GNPAT: variants seen among roughly 807,000 people sequenced by gnomAD.
GNPAT encodes the protein dihydroxyacetone phosphate acyltransferase.
Under a neutral mutation model 78.4 loss-of-function variants are expected in GNPAT, and 30 were observed. That is an observed-to-expected ratio of 0.38 (90% CI 0.29 to 0.52). The LOEUF (loss-of-function observed/expected upper bound fraction) is 0.52, where lower values mean the gene tolerates loss of function less well. GNPAT is among the 20% of genes least tolerant of loss of function. The pLI is 0.84. For missense variants in GNPAT, 714 were observed against 812.2 expected (o/e 0.88, Z 1.47); for synonymous variants, 271 against 281.1 (o/e 0.96, Z 0.36).
chr1:231,267,842 G>A lies in GNPAT; in HGVS notation c.1218G>A (p.Val406=). 6.2e-7 allele frequency: 1 copy of A among 1,614,008 alleles called. No individual in the cohort carries two copies. The highest frequency in any genetic ancestry group is 1.1e-5 in the South Asian group (1 of 91,084). The change falls in exon 9 of 16, where the codon GTG becomes GTA. Residue 406 remains valine (V), a synonymous_variant. Transcript: ENST00000366647. The part of the protein sequence containing the change: ...NRPSMDFDAL[V]EKTLWLKGLT... The stretch of plus-strand genomic sequence containing the variant: ...CATCCATGGACTTTGATGCTCTGGT[G>A]GAAAAGACTTTATGGCTAAAAGGCT...
At chr1:231,265,947 G>A (rs1685370807) in intron 6 of GNPAT, 67 bp from the exon 7 acceptor site, 7 of 1,342,742 alleles carry the variant, frequency 5.2e-6, no homozygotes, top group East Asian at 2.3e-5. Flanking sequence ...AGTATTTTCC[G>A]TTTATGTGCT....
intron 2 of GNPAT, among the ~76,000 whole-genome samples, chr1:231,254,075 AG>A (rs1558327582): frequency 6.6e-6 from 1 of 152,162 alleles, no homozygotes; most frequent in Admixed American, 6.6e-5. Flanking sequence ...GGCCTCCCAA[AG>A]TGCTGGATTA....
chr1:231,265,653 C>T, intron 5 of GNPAT, 59 bp from the exon 6 acceptor site: 1 of 1,031,238 alleles, frequency 9.7e-7, no homozygotes, highest in Non-Finnish European at 1.5e-6. Context: ...TCAAAAGAAG[C>T]ATTTATCATT....
chr1:231,276,053 A>C (rs775950037), intron 14 of GNPAT, 82 bp from the exon 15 acceptor site: 22 of 724,782 alleles, frequency 3.0e-5, no homozygotes, highest in Non-Finnish European at 5.0e-5. Flanking sequence ...GTAGTCTTAC[A>C]ATAGCTACGT....
At chr1:231,256,028 G>A (rs924389829) in intron 2 of GNPAT, among the ~76,000 whole-genome samples, 2 of 151,958 alleles carry the variant, frequency 1.3e-5, no homozygotes, top group East Asian at 1.9e-4. Context: ...GATGGAATGC[G>A]TCAGGATTTT....
chr1:231,244,069 C>T lies in GNPAT; in HGVS notation c.78+2613C>T, dbSNP rs1044271719. On this transcript the variant is annotated intron_variant, in intron 1 of 15. Transcript: ENST00000366647. Reference sequence around the variant, plus strand: ...GATTACAGTTGCCTGCCACCACACCCGGCTAATTTTTGTATTTTTAGTAGA... The same window carrying T: ...GATTACAGTTGCCTGCCACCACACCTGGCTAATTTTTGTATTTTTAGTAGA... 3.3e-5 allele frequency among the ~76,000 whole-genome samples: 5 copies of T among 152,118 alleles called. No homozygotes were observed. In the East Asian group the frequency reaches 5.8e-4, roughly 18 times the overall value.
intron 2 of GNPAT, among the ~76,000 whole-genome samples, chr1:231,256,503 TTG>T (rs1685067780): frequency 6.9e-6 from 1 of 144,732 alleles, no homozygotes; most frequent in Non-Finnish European, 1.5e-5. Flanking sequence ...TTTTTTTTTT[TTG>T]AGAGGGAGTC....
At position 231,241,328 on chromosome 1, in the gene GNPAT, A is replaced by G. The variant is rs1163890182; in HGVS notation, c.-51A>G. On this transcript the variant is annotated 5_prime_UTR_variant, in exon 1 of 16. Coordinates refer to ENST00000366647, the MANE Select transcript of GNPAT (RefSeq NM_014236.4). The stretch of plus-strand genomic sequence containing the variant: ...AAGAACCGCCCCCAGCAGGAGCACC[A>G]CCACGGCTTAGCAAAGAATCCCAGA... The G allele has an allele frequency of 1.3e-6, 2 of 1,507,970 alleles. No homozygotes were observed. Among genetic ancestry groups the G allele is most frequent in the East Asian group, 2.3e-5 (1 of 44,306 alleles). 93.4% of individuals were successfully genotyped at this position (1,507,970 alleles called of 1,614,324 possible). A position where few individuals can be genotyped will look rare whatever the true frequency, so the allele number is the denominator to read the frequency against.
In GNPAT at chr1:231,270,922, A is replaced by G; in HGVS notation, c.1444A>G (p.Arg482Gly). The G allele has an allele frequency of 6.2e-7, 1 of 1,614,070 alleles. No homozygotes were observed. Among genetic ancestry groups the G allele is most frequent in the Non-Finnish European group, 8.5e-7 (1 of 1,179,898 alleles). Residue 482 changes from arginine (R) to glycine (G), a missense_variant, in exon 10 of 16, where the codon AGG becomes GGG. Coordinates refer to ENST00000366647, the MANE Select transcript of GNPAT (RefSeq NM_014236.4). ...CACTCTCCTCATGTGCTCAGCTTAT[A>G]GGAACCAGCTGCTCAACATTTTTGT... ...HITLLMCSAY[R>G]NQLLNIFVRP...
chr1:231,268,905 C>A (rs148409523), intron 9 of GNPAT, among the ~76,000 whole-genome samples: 218 of 135,670 alleles, frequency 1.6e-3, no homozygotes, highest in African/African-American at 1.6e-3. Flanking sequence ...GATTCCGTCT[C>A]AAAAAAAAAA....
At chr1:231,274,111 A>G (rs1338054387) in intron 12 of GNPAT, 49 bp downstream of exon 12, 24 of 1,504,748 alleles carry the variant, frequency 1.6e-5, no homozygotes, top group Non-Finnish European at 2.0e-5. Context: ...ATCAAATATA[A>G]TAAGACATTC....
intron 9 of GNPAT, among the ~76,000 whole-genome samples, chr1:231,270,270 A>G (rs1040894423): frequency 1.3e-5 from 2 of 151,904 alleles, no homozygotes; most frequent in African/African-American, 4.9e-5. Context: ...CTGCAAAGTG[A>G]TATTTTTACC....
intron 7 of GNPAT, 21 bp downstream of exon 7, chr1:231,266,186 C>T (rs749995791): frequency 1.9e-6 from 3 of 1,613,008 alleles, no homozygotes; most frequent in Non-Finnish European, 1.7e-6. Context: ...TTGATTTTAG[C>T]TTAATTGAGA....
At chr1:231,259,479 C>G (rs1419060769) in intron 2 of GNPAT, among the ~76,000 whole-genome samples, 1 of 151,980 alleles carries the variant, frequency 6.6e-6, no homozygotes, top group African/African-American at 2.4e-5. Flanking sequence ...GAAACCCCGT[C>G]TCTCCTAAAA....
chr1:231,258,748 A>G (rs1054143724), intron 2 of GNPAT, among the ~76,000 whole-genome samples: 2 of 142,288 alleles, frequency 1.4e-5, no homozygotes, highest in Non-Finnish European at 3.0e-5. Flanking sequence ...CTCCTGCCTC[A>G]GCCTCCCGAG....
chr1:231,248,404 A>G (rs938883909), intron 1 of GNPAT, among the ~76,000 whole-genome samples: 3 of 152,002 alleles, frequency 2.0e-5, no homozygotes, highest in Admixed American at 2.0e-4. Flanking sequence ...GAGGGGTTGG[A>G]TTTGCCCTCT....
At chr1:231,247,117 G>C (rs530930698) in intron 1 of GNPAT, among the ~76,000 whole-genome samples, 1 of 151,826 alleles carries the variant, frequency 6.6e-6, no homozygotes, top group East Asian at 2.0e-4. Context: ...AGTGAGCTGA[G>C]ATCGTGCCAC....
intron 2 of GNPAT, among the ~76,000 whole-genome samples, chr1:231,252,239 A>T (rs1684918317): frequency 6.6e-6 from 1 of 152,180 alleles, no homozygotes; most frequent in African/African-American, 2.4e-5. Flanking sequence ...GGACAGATTT[A>T]AGGGATTTGA....
At chr1:231,245,142 C>G (rs896626080) in intron 1 of GNPAT, among the ~76,000 whole-genome samples, 7 of 152,210 alleles carry the variant, frequency 4.6e-5, no homozygotes, top group Admixed American at 4.6e-4. Flanking sequence ...CTCAGAGAGG[C>G]CTTCCACAAC....
Sources: allele counts gnomAD v4.1 joint callset (sites outside exome capture counted in the v4.1 genomes callset), GRCh38; gene constraint gnomAD v4.1.1; transcripts MANE v1.5; gene names NCBI Gene and HGNC (gene_info 2026-07-23, HGNC 2026-07-21).